Variants in MCPH1 observed in about 807,000 individuals in gnomAD.
MCPH1 encodes the protein microcephalin.
A neutral mutation model predicts 84.5 loss-of-function variants in MCPH1; 104 were observed. The ratio of observed to expected loss-of-function variants is 1.23; its 90% CI spans 1.05 to 1.45. The LOEUF is 1.45. MCPH1 is among the 40% of genes most tolerant of loss of function. The pLI is 0.00. For synonymous variants in MCPH1, 514 were observed against 366.8 expected, an observed-to-expected ratio of 1.40 and a Z score of -4.58; for missense variants, 1,498 against 1,005.7, an observed-to-expected ratio of 1.49 and a Z score of -6.62.
At chr8:6,507,953 C>G (rs1484099476) in intron 12 of MCPH1, 2 of 152,186 alleles carry the variant, frequency 1.3e-5, no homozygotes, top group Non-Finnish European at 2.9e-5. Flanking sequence ...ACCAACCCAT[C>G]TGTTTTAAGT....
Position 6,595,586 on chromosome 8 carries a change from C to T in MCPH1, c.2215-25868C>T, listed in dbSNP as rs140900388. The stretch of plus-strand genomic sequence containing the variant: ...TCTGCTCCAGAAGAGATGCGGGAGC[C>T]CTGCAGGTTTGAGTGAAGAGTGCAT... On this transcript the variant is annotated intron_variant, in intron 12 of 13. Transcript: ENST00000344683. 2.1e-3 allele frequency among the ~76,000 whole-genome samples: 317 copies of T among 152,244 alleles called. 5 individuals carry two copies. Among genetic ancestry groups the T allele is most frequent in the African/African-American group, 7.3e-3 (303 of 41,540 alleles).
chr8:6,567,901 G>A (rs1826335006), intron 12 of MCPH1, among the ~76,000 whole-genome samples: 1 of 152,200 alleles, frequency 6.6e-6, no homozygotes, highest in Admixed American at 6.5e-5. Context: ...AAATCCACCT[G>A]CCTACCCACC....
intron 6 of MCPH1, among the ~76,000 whole-genome samples, chr8:6,440,907 C>A (rs148049355): frequency 6.6e-6 from 1 of 152,330 alleles, no homozygotes; most frequent in Non-Finnish European, 1.5e-5. Flanking sequence ...CAGAAGTAGG[C>A]AGCCAGGGCT....
intron 11 of MCPH1, among the ~76,000 whole-genome samples, chr8:6,491,706 A>G (rs1317384979): frequency 2.6e-5 from 4 of 151,654 alleles, no homozygotes; most frequent in East Asian, 1.9e-4. Context: ...ATTCCCACCT[A>G]TGAGTGAGAA....
At chr8:6,610,707 C>T (rs907261867) in intron 12 of MCPH1, among the ~76,000 whole-genome samples, 1 of 152,136 alleles carries the variant, frequency 6.6e-6, no homozygotes, top group African/African-American at 2.4e-5. Context: ...ATTTTCAAGT[C>T]TGTTATCTTT....
intron 12 of MCPH1, among the ~76,000 whole-genome samples, chr8:6,554,827 A>G (rs140830181): frequency 1.3e-5 from 2 of 152,326 alleles, no homozygotes; most frequent in African/African-American, 4.8e-5. Context: ...AGCTGGTTGC[A>G]GGAGGGGCTC....
chr8:6,417,305 G>A (rs865989015), intron 3 of MCPH1, among the ~76,000 whole-genome samples: 13 of 152,230 alleles, frequency 8.5e-5, no homozygotes, highest in Middle Eastern at 3.4e-3. Context: ...TAGGCTTTGC[G>A]GGCCATATGG....
chr8:6,453,479 T>C (rs936504238), intron 8 of MCPH1, among the ~76,000 whole-genome samples: 5 of 152,170 alleles, frequency 3.3e-5, no homozygotes, highest in Admixed American at 2.6e-4. Context: ...TAAAATGCTT[T>C]ACAGCCTGTT....
intron 12 of MCPH1, among the ~76,000 whole-genome samples, chr8:6,609,278 C>A (rs186844618): frequency 1.3e-5 from 2 of 152,160 alleles, no homozygotes; most frequent in Non-Finnish European, 2.9e-5. Flanking sequence ...AGCGCATGGA[C>A]GGGACCCAGA....
chr8:6,541,512 G>C (rs1821572016), intron 12 of MCPH1, among the ~76,000 whole-genome samples: 1 of 152,206 alleles, frequency 6.6e-6, no homozygotes, highest in African/African-American at 2.4e-5. Context: ...TGTCATGCAG[G>C]AGTGAGATGA....
At chr8:6,614,321 C>T (rs1184230853) in intron 12 of MCPH1, among the ~76,000 whole-genome samples, 1 of 152,204 alleles carries the variant, frequency 6.6e-6, no homozygotes, top group African/African-American at 2.4e-5. Context: ...TGCCTGCCTC[C>T]TCCCATGCGT....
chr8:6,636,370 A>C (rs1207623042), intron 13 of MCPH1, among the ~76,000 whole-genome samples: 2 of 150,444 alleles, frequency 1.3e-5, no homozygotes, highest in Non-Finnish European at 3.0e-5. Context: ...GTCAGGAATG[A>C]GGGTGATGCC....
intron 12 of MCPH1, among the ~76,000 whole-genome samples, chr8:6,515,022 T>C (rs17620873): frequency 0.017 from 2,516 of 152,310 alleles, 43 homozygotes; most frequent in Non-Finnish European, 0.026. Flanking sequence ...GATGAGAATA[T>C]GACTCACTTG....
intron 13 of MCPH1, chr8:6,626,535 AAATAAACGGG>A (rs1832099043): frequency 1.0e-6 from 1 of 982,946 alleles, no homozygotes; most frequent in Non-Finnish European, 1.2e-6. Flanking sequence ...ACATGGATAA[AAATAAACGGG>A]AAAACAAAAA....
intron 12 of MCPH1, among the ~76,000 whole-genome samples, chr8:6,544,347 GT>G (rs1404679862): frequency 6.6e-6 from 1 of 152,094 alleles, no homozygotes; most frequent in Non-Finnish European, 1.5e-5. Context: ...GATGATTATA[GT>G]TTGACTGTGC....
intron 12 of MCPH1, among the ~76,000 whole-genome samples, chr8:6,557,053 G>C (rs180753802): frequency 3.9e-4 from 59 of 152,310 alleles, no homozygotes; most frequent in Admixed American, 3.3e-3. Context: ...GGGTCATATG[G>C]TGTTCACTCA....
At chr8:6,626,737 G>T in intron 13 of MCPH1, 1 of 985,284 alleles carries the variant, frequency 1.0e-6, no homozygotes. Flanking sequence ...CTGGGGTGAG[G>T]ATCACAAGCC....
intron 12 of MCPH1, among the ~76,000 whole-genome samples, chr8:6,607,122 G>C (rs781040198): frequency 3.3e-5 from 5 of 152,190 alleles, no homozygotes; most frequent in Admixed American, 6.5e-5. Context: ...AAAGCAGGAA[G>C]GCCCCTCTCA....
intron 12 of MCPH1, among the ~76,000 whole-genome samples, chr8:6,620,617 T>C (rs1280906671): frequency 6.6e-6 from 1 of 152,124 alleles, no homozygotes; most frequent in Non-Finnish European, 1.5e-5. Context: ...TTTCAGATAT[T>C]GTAGGAAAAA....
Sources: allele counts gnomAD v4.1 joint callset (sites outside exome capture counted in the v4.1 genomes callset), GRCh38; gene constraint gnomAD v4.1.1; transcripts MANE v1.5; gene names NCBI Gene and HGNC (gene_info 2026-07-23, HGNC 2026-07-21).